The following VOPP1 variants were observed in gnomAD, a reference collection of about 807,000 sequenced individuals.
The protein encoded by VOPP1 is WW domain binding protein VOPP1.
VOPP1 carries 8 observed loss-of-function variants against 23.5 expected under a neutral mutation model. That is an observed-to-expected ratio of 0.34 (90% CI 0.20 to 0.61). The LOEUF (loss-of-function observed/expected upper bound fraction) is 0.61. Ranked by LOEUF, VOPP1 falls within the 20% of genes least tolerant of loss-of-function variation. The pLI, the probability that VOPP1 is intolerant of heterozygous loss-of-function variation, is 0.78. For synonymous variants in VOPP1, 83 were observed against 97.3 expected (o/e 0.85, Z 0.86); for missense variants, 174 against 238.1 (o/e 0.73, Z 1.77).
At chr7:55,541,579 C>T (rs187915057) in intron 1 of VOPP1, among the ~76,000 whole-genome samples, 5 of 152,350 alleles carry the variant, frequency 3.3e-5, no homozygotes, top group Non-Finnish European at 5.9e-5. Context: ...AAACAGTCAT[C>T]ACATAACCTA....
At chr7:55,465,603 G>C (rs1791612638) in intron 4 of VOPP1, among the ~76,000 whole-genome samples, 1 of 152,230 alleles carries the variant, frequency 6.6e-6, no homozygotes, top group African/African-American at 2.4e-5. Flanking sequence ...TCAAGGAATT[G>C]TAGAATGAGA....
At chr7:55,485,747 CGTGTTAGGCACAGGG>C (rs1793091362) in intron 4 of VOPP1, among the ~76,000 whole-genome samples, 1 of 152,176 alleles carries the variant, frequency 6.6e-6, no homozygotes, top group Admixed American at 6.6e-5. Context: ...GCAGGTTGGA[CGTGTTAGGCACAGGG>C]ACCTCACGTG....
chr7:55,459,848 T>C (rs1478637726), intron 4 of VOPP1, among the ~76,000 whole-genome samples: 2 of 152,230 alleles, frequency 1.3e-5, no homozygotes, highest in African/African-American at 4.8e-5. Flanking sequence ...TTTGTATTGT[T>C]TTTTAGTCTC....
At chr7:55,450,810 A>C (rs1014741255) in intron 4 of VOPP1, among the ~76,000 whole-genome samples, 4 of 152,200 alleles carry the variant, frequency 2.6e-5, no homozygotes, top group Non-Finnish European at 4.4e-5. Context: ...ACAGGTACAC[A>C]CTTGTTATCA....
At chr7:55,475,897 G>C (rs1272196755) in intron 4 of VOPP1, among the ~76,000 whole-genome samples, 2 of 152,224 alleles carry the variant, frequency 1.3e-5, no homozygotes, top group Non-Finnish European at 2.9e-5. Flanking sequence ...GGAGAACAGA[G>C]GCTCTGCCAG....
chr7:55,534,228 T>C (rs1343598348), intron 1 of VOPP1, among the ~76,000 whole-genome samples: 11 of 150,474 alleles, frequency 7.3e-5, no homozygotes, highest in Non-Finnish European at 7.4e-5. Context: ...AGACACTTAA[T>C]AGACAGACAT....
chr7:55,509,989 C>T (rs1794969716), intron 2 of VOPP1, among the ~76,000 whole-genome samples: 1 of 152,194 alleles, frequency 6.6e-6, no homozygotes, highest in Admixed American at 6.5e-5. Flanking sequence ...GACCAGAGGA[C>T]CGTGTCGTCA....
At chr7:55,489,438 G>A (rs529040586) in intron 4 of VOPP1, among the ~76,000 whole-genome samples, 42 of 152,348 alleles carry the variant, frequency 2.8e-4, no homozygotes, top group Middle Eastern at 3.4e-3. Context: ...CCTTCCTGGA[G>A]TTGTGCACCA....
intron 1 of VOPP1, among the ~76,000 whole-genome samples, chr7:55,564,237 G>GTCTCTCTCTCTCTCTCTCTCTCTCTC (rs1382166112): frequency 3.5e-5 from 1 of 28,194 alleles, no homozygotes; most frequent in Non-Finnish European, 1.0e-4. Flanking sequence ...CTTTCTCTCT[G>GTCTCTCTCTCTCTCTCTCTCTCTCTC]TCTCTGTCTC....
intron 2 of VOPP1, among the ~76,000 whole-genome samples, chr7:55,514,244 C>A (rs779264031): frequency 7.9e-4 from 121 of 152,326 alleles, no homozygotes; most frequent in Non-Finnish European, 1.4e-3. Context: ...AACACACATG[C>A]CTGCTCAGTC....
chr7:55,540,410 TAAATAAATA>T (rs1382478725), intron 1 of VOPP1, among the ~76,000 whole-genome samples: 1 of 27,652 alleles, frequency 3.6e-5, no homozygotes, highest in African/African-American at 6.4e-5. Flanking sequence ...AATAAATAAA[TAAATAAATA>T]AATAAATAAA....
chr7:55,553,177 G>A (rs1418215976), intron 1 of VOPP1, among the ~76,000 whole-genome samples: 1 of 152,226 alleles, frequency 6.6e-6, no homozygotes, highest in Non-Finnish European at 1.5e-5. Context: ...TCCAATATAT[G>A]TGTTGCCCTA....
intron 4 of VOPP1, among the ~76,000 whole-genome samples, chr7:55,449,282 C>A (rs1791181348): frequency 6.6e-6 from 1 of 152,200 alleles, no homozygotes; most frequent in Non-Finnish European, 1.5e-5. Flanking sequence ...CGCGCTTCTC[C>A]CGGATGGACC....
intron 4 of VOPP1, among the ~76,000 whole-genome samples, chr7:55,456,137 A>T (rs1271262043): frequency 6.6e-6 from 1 of 152,240 alleles, no homozygotes; most frequent in African/African-American, 2.4e-5. Context: ...AAAGTGGGCA[A>T]AGGATATGAA....
chr7:55,499,872 A>C (rs867569290), intron 2 of VOPP1, among the ~76,000 whole-genome samples: 4 of 152,120 alleles, frequency 2.6e-5, no homozygotes, highest in African/African-American at 9.7e-5. Context: ...GCCCTGCACA[A>C]ACAGTACCTT....
Position 55,568,065 on chromosome 7 carries a change from T to C in VOPP1, c.54+4206A>G, listed in dbSNP as rs117499817. 4.6e-3 allele frequency among the ~76,000 whole-genome samples: 673 copies of C among 146,656 alleles called. 5 individuals are homozygous for C. Among genetic ancestry groups the C allele is most frequent in the Non-Finnish European group, 6.7e-3 (449 of 67,140 alleles). ...ATAATGTCCACTTTGCAACCCTCTCTAAGAGACAACTATTCCTTTTTTTTT... is the reference window on the plus strand; with the variant it reads ...ATAATGTCCACTTTGCAACCCTCTCCAAGAGACAACTATTCCTTTTTTTTT... On this transcript the variant is annotated intron_variant, in intron 1 of 4. Coordinates refer to ENST00000285279, the MANE Select transcript of VOPP1 (RefSeq NM_030796.5).
chr7:55,477,874 T>G (rs1275787212), intron 4 of VOPP1, among the ~76,000 whole-genome samples: 3 of 152,222 alleles, frequency 2.0e-5, no homozygotes, highest in East Asian at 3.9e-4. Flanking sequence ...CAGGGCCGGA[T>G]GCTGGAGCCT....
intron 1 of VOPP1, among the ~76,000 whole-genome samples, chr7:55,540,444 A>AAAT (rs1797078778): frequency 1.4e-5 from 2 of 141,520 alleles, no homozygotes; most frequent in African/African-American, 5.2e-5. Flanking sequence ...TAAATAAATA[A>AAAT]AAATAAATGA....
chr7:55,456,815 G>A (rs955976777), intron 4 of VOPP1, among the ~76,000 whole-genome samples: 1 of 152,138 alleles, frequency 6.6e-6, no homozygotes, highest in Non-Finnish European at 1.5e-5. Flanking sequence ...GGGGGTCTAG[G>A]GGAGGGATGG....
Sources: gnomAD v4.1 joint callset for allele counts (sites outside exome capture counted in the v4.1 genomes callset) on GRCh38, gnomAD v4.1.1 for gene constraint, MANE v1.5 for transcripts, NCBI Gene and HGNC (gene_info 2026-07-23, HGNC 2026-07-21) for gene names.